HMGA2: variants seen among roughly 807,000 people sequenced by gnomAD.
HMGA2 encodes high mobility group AT-hook 2.
HMGA2 carries 8 observed loss-of-function variants against 19.1 expected under a neutral mutation model. The ratio of observed to expected loss-of-function variants is 0.42; its 90% confidence interval spans 0.25 to 0.76. The LOEUF (loss-of-function observed/expected upper bound fraction) is 0.76, where lower values mean the gene tolerates loss of function less well. HMGA2 is among the 30% of genes least tolerant of loss of function. The pLI is 0.28. For missense variants in HMGA2, 109 were observed against 136.3 expected (o/e 0.80, Z 1.00); for synonymous variants, 60 against 48.8 (o/e 1.23, Z -0.96).
chr12:65,907,661 A>G (rs779862447), intron 3 of HMGA2, among the ~76,000 whole-genome samples: 5 of 152,144 alleles, frequency 3.3e-5, no homozygotes, highest in African/African-American at 4.8e-5. Flanking sequence ...GGCCACTTAC[A>G]AGGCACACAA....
At chr12:65,901,801 C>A (rs1000744076) in intron 3 of HMGA2, among the ~76,000 whole-genome samples, 2 of 151,906 alleles carry the variant, frequency 1.3e-5, no homozygotes, top group African/African-American at 4.8e-5. Context: ...ATAAATCCCC[C>A]ACAATTTTCT....
At chr12:65,897,527 G>A (rs1874180396) in intron 3 of HMGA2, among the ~76,000 whole-genome samples, 1 of 152,154 alleles carries the variant, frequency 6.6e-6, no homozygotes, top group Non-Finnish European at 1.5e-5. Context: ...CTGAATACTG[G>A]GGCTTAGGCA....
rs935574322 is a variant in HMGA2 at position 65,842,935 on chromosome 12, A to G, written c.249+4366A>G. 6.2e-6 allele frequency: 7 copies of G among 1,125,940 alleles called. No homozygotes were observed. The African/African-American group carries it at 9.5e-5, about 15-fold the overall frequency. 69.7% of individuals were successfully genotyped at this position (1,125,940 alleles called of 1,614,324 possible). A position where few individuals can be genotyped will look rare whatever the true frequency, so the allele number is the denominator to read the frequency against. On this transcript the variant is annotated intron_variant, in intron 3 of 4. Transcript: ENST00000403681. ...GTTAACCTCATGTATAAAATCCTCC[A>G]TCCAGATGTTGCTTAGTGATGCAGC...
At chr12:65,937,870 C>G (rs1383603678) in intron 3 of HMGA2, among the ~76,000 whole-genome samples, 7 of 152,168 alleles carry the variant, frequency 4.6e-5, no homozygotes, top group Non-Finnish European at 1.0e-4. Flanking sequence ...TCTTACCAAC[C>G]CTCAAAGACA....
intron 3 of HMGA2, among the ~76,000 whole-genome samples, chr12:65,937,507 T>C (rs1592457314): frequency 6.6e-6 from 1 of 152,222 alleles, no homozygotes; most frequent in East Asian, 1.9e-4. Flanking sequence ...CAGAAGCTCA[T>C]GTTAGTTATT....
At chr12:65,866,757 T>G in intron 3 of HMGA2, 1 of 453,134 alleles carries the variant, frequency 2.2e-6, no homozygotes, top group Non-Finnish European at 4.4e-6. Flanking sequence ...TAGTCATTCT[T>G]CTTTTCAGCA....
rs60786450 is a variant in HMGA2, at chr12:65,824,713, TTCTCTCTC to T, written c.-509_-502del. The T allele has an allele frequency of 0.077, 11,072 of 143,356 alleles. 207 individuals are homozygous for T. Among genetic ancestry groups the T allele is most frequent in the Middle Eastern group, 0.12 (60 of 520 alleles). 8.9% of individuals were successfully genotyped at this position (143,356 alleles called of 1,614,324 possible). On this transcript the variant is annotated 5_prime_UTR_variant, in exon 1 of 5. Coordinates refer to ENST00000403681, the MANE Select transcript of HMGA2 (RefSeq NM_003483.6). Reference sequence around the variant, plus strand: ...CCAAGGCACTTTCAATCTCAATCTCTTCTCTCTCTCTCTCTCTCTCTCTCTCTCTCTCT... The same window carrying T: ...CCAAGGCACTTTCAATCTCAATCTCTTCTCTCTCTCTCTCTCTCTCTCTCT...
chr12:65,828,171 G>A (rs1870304563), intron 2 of HMGA2, 84 bp downstream of exon 2: 6 of 998,300 alleles, frequency 6.0e-6, no homozygotes, highest in Admixed American at 3.5e-5. Flanking sequence ...TTCTAACTCC[G>A]CAGCCAGGAA....
At chr12:65,845,038 A>T (rs934663233) in intron 3 of HMGA2, among the ~76,000 whole-genome samples, 9 of 152,226 alleles carry the variant, frequency 5.9e-5, no homozygotes, top group Admixed American at 4.6e-4. Context: ...ACAGTGTACT[A>T]TCCCTACTCC....
At chr12:65,958,182 A>T (rs961766422) in intron 4 of HMGA2, 1 of 152,234 alleles carries the variant, frequency 6.6e-6, no homozygotes, top group African/African-American at 2.4e-5. Context: ...CCCTAGCAAG[A>T]CCTTCAACCC....
chr12:65,872,676 T>A (rs375061780), intron 3 of HMGA2, among the ~76,000 whole-genome samples: 25 of 152,332 alleles, frequency 1.6e-4, no homozygotes, highest in African/African-American at 5.8e-4. Flanking sequence ...GTCTTTATCA[T>A]CTCTCACTTA....
In HMGA2 at chr12:65,944,898, T is replaced by TTGCCCATATTGGAATGC. The variant is rs568637855; in HGVS notation, c.250-6484_250-6468dup. 8.6e-3 allele frequency among the ~76,000 whole-genome samples: 1,307 copies of TTGCCCATATTGGAATGC among 152,204 alleles called. 22 individuals are homozygous for TTGCCCATATTGGAATGC. Among genetic ancestry groups the TTGCCCATATTGGAATGC allele is most frequent in the African/African-American group, 0.029 (1,220 of 41,516 alleles). On this transcript the variant is annotated intron_variant, in intron 3 of 4. Transcript: ENST00000403681. ...TTTTAAGAGTCAGAGTCTTGCTATG[T>TTGCCCATATTGGAATGC]TGCCCATATTGGAATGCAGTGACTA...
At chr12:65,961,668 A>G (rs1876755176) in intron 4 of HMGA2, among the ~76,000 whole-genome samples, 1 of 152,144 alleles carries the variant, frequency 6.6e-6, no homozygotes, top group African/African-American at 2.4e-5. Context: ...TTCGGGGGGA[A>G]AGAGAATATT....
At chr12:65,926,059 G>A (rs1369007585) in intron 3 of HMGA2, among the ~76,000 whole-genome samples, 2 of 152,158 alleles carry the variant, frequency 1.3e-5, no homozygotes, top group East Asian at 3.8e-4. Context: ...CATAGCCTCT[G>A]TTCTCATAAC....
chr12:65,862,124 T>G (rs1872122390), intron 3 of HMGA2, among the ~76,000 whole-genome samples: 1 of 152,058 alleles, frequency 6.6e-6, no homozygotes, highest in African/African-American at 2.4e-5. Flanking sequence ...GGATTACAGG[T>G]GTGAGCCACC....
At chr12:65,943,107 A>G (rs1876145192) in intron 3 of HMGA2, among the ~76,000 whole-genome samples, 1 of 152,140 alleles carries the variant, frequency 6.6e-6, no homozygotes, top group Non-Finnish European at 1.5e-5. Context: ...TTGTACTCTA[A>G]TATCTGTTTT....
chr12:65,830,762 A>G (rs1319263684), intron 2 of HMGA2: 2 of 151,942 alleles, frequency 1.3e-5, no homozygotes, highest in Non-Finnish European at 2.9e-5. Flanking sequence ...GTGAATGACT[A>G]CTAAATTAGC....
At chr12:65,841,993 T>C in intron 3 of HMGA2, 4 of 576,712 alleles carry the variant, frequency 6.9e-6, no homozygotes, top group Admixed American at 5.3e-5. Flanking sequence ...CCCTTCATCT[T>C]TTTTTTTTTT....
chr12:65,912,746 T>C (rs1450289938), intron 3 of HMGA2, among the ~76,000 whole-genome samples: 1 of 152,234 alleles, frequency 6.6e-6, no homozygotes, highest in Non-Finnish European at 1.5e-5. Context: ...CGTCATGCCA[T>C]AGCTCCATCA....
Sources: gnomAD v4.1 joint callset for allele counts (sites outside exome capture counted in the v4.1 genomes callset) on GRCh38, gnomAD v4.1.1 for gene constraint, MANE v1.5 for transcripts, NCBI Gene and HGNC (gene_info 2026-07-23, HGNC 2026-07-21) for gene names.